The following BRCA2 variants were observed in gnomAD, a reference collection of about 807,000 sequenced individuals.
The protein encoded by BRCA2 is BRCA2 DNA repair associated.
In BRCA2, 203 loss-of-function variants were observed where a neutral mutation model predicts 276.7. That is an observed-to-expected ratio of 0.73 (90% CI 0.65 to 0.82). BRCA2 has a LOEUF of 0.82. Among genes scored for constraint, BRCA2 ranks in the 40% least tolerant of loss-of-function variants. The pLI is 0.00. For synonymous variants in BRCA2, 1,289 were observed against 1,338.4 expected (o/e 0.96, Z 0.81); for missense variants, 3,920 against 3,915.0 (o/e 1.00, Z -0.03).
intron 16 of BRCA2, among the ~76,000 whole-genome samples, chr13:32,358,408 A>C (rs1005999711): frequency 1.2e-3 from 180 of 151,040 alleles, no homozygotes; most frequent in Non-Finnish European, 3.1e-4. Flanking sequence ...CCTGGGAGGC[A>C]GAGGTTGCAG....
In BRCA2 at chr13:32,338,918, A is replaced by G. The variant is rs206075; in HGVS notation, c.4563A>G (p.Leu1521=). 1 allele frequency: 1,607,361 copies of G among 1,614,006 alleles called. 800,587 individuals carry two copies. The highest frequency in any genetic ancestry group is 1 in the East Asian group (44,874 of 44,876). Residue 1521 remains leucine (L), a synonymous_variant, in exon 11 of 27, where the codon CTA becomes CTG. Transcript: ENST00000380152. ...ERDEKIKEPT[L]LGFHTASGKK... ...ATGAAAAGATCAAAGAACCTACTCT[A>G]TTGGGTTTTCATACAGCTAGCGGGA...
intron 24 of BRCA2, among the ~76,000 whole-genome samples, chr13:32,381,237 G>A (rs1162560959): frequency 2.6e-5 from 4 of 152,120 alleles, no homozygotes; most frequent in African/African-American, 4.8e-5. Context: ...GGTACATAGC[G>A]ATTAACAAAA....
At chr13:32,357,379 G>C (rs1478025655) in intron 15 of BRCA2, among the ~76,000 whole-genome samples, 1 of 152,102 alleles carries the variant, frequency 6.6e-6, no homozygotes, top group Non-Finnish European at 1.5e-5. Context: ...GACCACCTGA[G>C]GTCACATTCC....
Position 32,341,119 on chromosome 13 carries a change from C to T in BRCA2, c.6764C>T (p.Thr2255Ile), listed in dbSNP as rs2137530514. ...AGTCATGCCACACATTCTCTTTTTA[C>T]ATGTCCCGAAAATGAGGAAATGGTT... ...LPSHATHSLFTCPENEEMVLS... is the reference protein window; with the variant it reads ...LPSHATHSLFICPENEEMVLS... Residue 2255 changes from threonine (T) to isoleucine (I), a missense_variant, in exon 11 of 27, where the codon ACA (threonine) becomes ATA (isoleucine). Around this residue, in one of 2 missense-constraint regions of BRCA2, gnomAD observed 3,263 missense variants for 3,156.9 expected, o/e 1.03. Coordinates refer to ENST00000380152, the MANE Select transcript of BRCA2 (RefSeq NM_000059.4). The T allele has an allele frequency of 6.2e-7, 1 of 1,613,952 alleles. No individual in the cohort carries two copies. Among genetic ancestry groups the T allele is most frequent in the Non-Finnish European group, 8.5e-7 (1 of 1,179,904 alleles).
At position 32,349,673 on chromosome 13, in the gene BRCA2, C is replaced by T. The variant is rs143663101; in HGVS notation, c.7007+2777C>T. 1.7e-3 allele frequency among the ~76,000 whole-genome samples: 255 copies of T among 151,832 alleles called. 1 individual carries two copies. The highest frequency in any genetic ancestry group is 6.0e-3 in the African/African-American group (248 of 41,428). On this transcript the variant is annotated intron_variant, in intron 13 of 26. Coordinates refer to ENST00000380152, the MANE Select transcript of BRCA2 (RefSeq NM_000059.4). ...TCTGTTAAAAATGCAAAAATTAGCT[C>T]GGCATGGTAGCATGCCCCTGTAATC...
chr13:32,326,076 A>G (rs776515012), intron 4 of BRCA2, 25 bp from the exon 5 acceptor site: 2 of 1,595,252 alleles, frequency 1.3e-6, no homozygotes, highest in African/African-American at 1.3e-5. Context: ...AAATAACCTA[A>G]GGGATTTGCT....
intron 20 of BRCA2, among the ~76,000 whole-genome samples, chr13:32,372,707 C>T (rs142398815): frequency 6.0e-4 from 91 of 152,282 alleles, no homozygotes; most frequent in African/African-American, 1.8e-3. Context: ...TCCCAAATCT[C>T]GTGTCCTTTT....
intron 13 of BRCA2, among the ~76,000 whole-genome samples, chr13:32,353,634 A>C (rs1372407975): frequency 2.0e-5 from 3 of 152,190 alleles, no homozygotes; most frequent in Non-Finnish European, 4.4e-5. Flanking sequence ...ATATACATGC[A>C]AAAACAAAAT....
chr13:32,335,615 T>C (rs1241503639), intron 10 of BRCA2, among the ~76,000 whole-genome samples: 2 of 152,208 alleles, frequency 1.3e-5, no homozygotes, highest in Non-Finnish European at 2.9e-5. Flanking sequence ...CACACCAGTA[T>C]TAACAGCAAT....
chr13:32,396,223 C>T (rs1426105166), intron 25 of BRCA2: 1 of 162,774 alleles, frequency 6.1e-6, no homozygotes, highest in Non-Finnish European at 1.3e-5. Flanking sequence ...ATCTGCCCAC[C>T]TTGGCCTCCC....
At position 32,326,628 on chromosome 13, in the gene BRCA2, T is replaced by C. The variant is rs1172653825; in HGVS notation, c.631+15T>C. ...TGTGCTCATAGGTAATAATAGCAAA[T>C]GTGTATTTACAAGAAAGAGCAGATG... On this transcript the variant is annotated intron_variant, in intron 7 of 26. Transcript: ENST00000380152. 1 of 1,547,780 alleles carries C rather than the reference T, an allele frequency of 6.5e-7. No individual in the cohort carries two copies. Among genetic ancestry groups the C allele is most frequent in the Non-Finnish European group, 8.9e-7 (1 of 1,121,488 alleles).
chr13:32,322,298 G>A (rs565281562), intron 3 of BRCA2, among the ~76,000 whole-genome samples: 4 of 152,294 alleles, frequency 2.6e-5, no homozygotes, highest in Non-Finnish European at 4.4e-5. Context: ...AGACCAGCTC[G>A]ATTGTAGAGA....
chr13:32,365,721 C>CTTTTTTTTTTTTTTTTTTTTTTTTT (rs36116910), intron 18 of BRCA2, among the ~76,000 whole-genome samples: 1 of 105,882 alleles, frequency 9.4e-6, no homozygotes, highest in East Asian at 2.8e-4. Flanking sequence ...ACTTTGGTGT[C>CTTTTTTTTTTTTTTTTTTTTTTTTT]TTTTTTTTTT....
intron 20 of BRCA2, 87 bp from the exon 21 acceptor site, chr13:32,376,583 T>C (rs944053569): frequency 2.1e-6 from 3 of 1,420,086 alleles, no homozygotes; most frequent in African/African-American, 2.8e-5. Context: ...AAATCTCCCT[T>C]CTTTGGGTGT....
chr13:32,396,040 C>A, intron 25 of BRCA2: 1 of 198,260 alleles, frequency 5.0e-6, no homozygotes, highest in Non-Finnish European at 9.1e-6. Context: ...ATAGCACAAT[C>A]TCGGATCACT....
chr13:32,366,872 A>C (rs1374650386), intron 18 of BRCA2, among the ~76,000 whole-genome samples: 34 of 151,660 alleles, frequency 2.2e-4, no homozygotes, highest in Admixed American at 4.6e-4. Context: ...AAAGAACAAA[A>C]AAAAAAAAAA....
At chr13:32,330,077 G>A (rs1295237633) in intron 8 of BRCA2, among the ~76,000 whole-genome samples, 3 of 152,142 alleles carry the variant, frequency 2.0e-5, no homozygotes, top group African/African-American at 7.2e-5. Flanking sequence ...TTGAATCTGT[G>A]TAACCAACCA....
rs2072555628 is a variant in BRCA2, at chr13:32,340,795, A to G, written c.6440A>G (p.His2147Arg). Residue 2147 changes from histidine to arginine, a missense_variant, in exon 11 of 27, where the codon CAC becomes CGC. Physicochemically the swap from His to Arg is conservative, Grantham distance 29. This residue lies in a region of BRCA2 where 3,263 missense variants were observed against 3,156.9 expected (regional missense o/e 1.03). Transcript: ENST00000380152. ...NVEGGSSENNHSIKVSPYLSQ... is the reference protein window; with the variant it reads ...NVEGGSSENNRSIKVSPYLSQ... The stretch of plus-strand genomic sequence containing the variant: ...GAAGGTGGTTCTTCAGAAAATAATC[A>G]CTCTATTAAAGTTTCTCCATATCTC... The G allele has an allele frequency of 1.3e-6, 2 of 1,592,678 alleles. No homozygotes were observed. Among genetic ancestry groups the G allele is most frequent in the Admixed American group, 1.9e-5 (1 of 54,014 alleles).
intron 10 of BRCA2, among the ~76,000 whole-genome samples, chr13:32,334,864 A>G (rs2072436083): frequency 6.6e-6 from 1 of 152,116 alleles, no homozygotes; most frequent in Non-Finnish European, 1.5e-5. Context: ...TGTTGTTGCA[A>G]CAGTTCACTT....
Sources: gnomAD v4.1 joint callset for allele counts (sites outside exome capture counted in the v4.1 genomes callset) on GRCh38, gnomAD v4.1.1 for gene constraint, gnomAD v4.1.1 regional missense constraint, MANE v1.5 for transcripts, NCBI Gene and HGNC (gene_info 2026-07-23, HGNC 2026-07-21) for gene names.